PCDHA12: variants seen among roughly 807,000 people sequenced by gnomAD.
The protein encoded by PCDHA12 is protocadherin alpha 12.
A neutral mutation model predicts 60.0 loss-of-function variants in PCDHA12; 44 were observed. The ratio of observed to expected loss-of-function variants is 0.73; its 90% CI spans 0.58 to 0.94. The LOEUF is 0.94. Among genes scored for constraint, PCDHA12 ranks in the 40% least tolerant of loss-of-function variants. The pLI, the probability that PCDHA12 is intolerant of heterozygous loss-of-function variation, is 0.00. For missense variants in PCDHA12, 1,276 were observed against 1,239.7 expected (o/e 1.03, Z -0.44); for synonymous variants, 569 against 553.0 (o/e 1.03, Z -0.40).
At position 140,969,430 on chromosome 5, in the gene PCDHA12, A is replaced by T. The variant is rs1554231789; in HGVS notation, c.2368-9519A>T. 4 of 1,554,706 alleles carry T rather than the reference A, an allele frequency of 2.6e-6. No homozygotes were observed. The Admixed American group carries it at 7.8e-5, about 30-fold the overall frequency. ...CTTTATTGAGTCATTAACAGTGACA[A>T]GAGTTATCTGGTAAACTGAGTATAT... On this transcript the variant is annotated intron_variant, in intron 1 of 3. Transcript: ENST00000398631.
chr5:140,905,750 C>T (rs1349523564), intron 1 of PCDHA12, among the ~76,000 whole-genome samples: 1 of 152,102 alleles, frequency 6.6e-6, no homozygotes, highest in Non-Finnish European at 1.5e-5. Flanking sequence ...GATCTTTCAC[C>T]TCCTTGGTTA....
intron 3 of PCDHA12, among the ~76,000 whole-genome samples, chr5:141,007,506 T>A (rs1370245633): frequency 6.6e-6 from 1 of 151,948 alleles, no homozygotes; most frequent in Non-Finnish European, 1.5e-5. Flanking sequence ...AGGCAGAGAC[T>A]GCAGTGAGCT....
intron 1 of PCDHA12, among the ~76,000 whole-genome samples, chr5:140,937,563 G>T (rs986469529): frequency 2.0e-5 from 3 of 151,960 alleles, no homozygotes; most frequent in African/African-American, 7.3e-5. Flanking sequence ...GTTGCAGTGA[G>T]CTGGGATCGC....
At position 140,990,592 on chromosome 5, in the gene PCDHA12, C is replaced by T. The variant is rs150978794; in HGVS notation, c.2515+8029C>T. On this transcript the variant is annotated intron_variant, in intron 3 of 3. Coordinates refer to ENST00000398631, the MANE Select transcript of PCDHA12 (RefSeq NM_018903.4). ...GTTCGATCTCTTTTCCTATAATCAC[C>T]TGGAGTCAGATGAATACCGTAAAGG... 2.7e-3 allele frequency among the ~76,000 whole-genome samples: 412 copies of T among 152,286 alleles called. 2 individuals are homozygous for T. Among genetic ancestry groups the T allele is most frequent in the African/African-American group, 9.5e-3 (395 of 41,556 alleles).
chr5:140,890,096 C>T (rs967857035), intron 1 of PCDHA12, among the ~76,000 whole-genome samples: 1 of 152,124 alleles, frequency 6.6e-6, no homozygotes, highest in Non-Finnish European at 1.5e-5. Flanking sequence ...AAATTTATTC[C>T]CAACTCTGGA....
chr5:140,941,191 T>TTTC (rs1487503403), intron 1 of PCDHA12, among the ~76,000 whole-genome samples: 199 of 93,252 alleles, frequency 2.1e-3, no homozygotes, highest in Middle Eastern at 0.015. Flanking sequence ...GCTTCTTTTT[T>TTTC]TTTCTTTCTT....
At chr5:140,973,062 G>GTC (rs1554234872) in intron 1 of PCDHA12, among the ~76,000 whole-genome samples, 1 of 152,138 alleles carries the variant, frequency 6.6e-6, no homozygotes, top group African/African-American at 2.4e-5. Context: ...GTCCAACAGT[G>GTC]TCTCAGTGGG....
intron 3 of PCDHA12, among the ~76,000 whole-genome samples, chr5:141,003,222 G>A (rs1221950770): frequency 2.6e-5 from 4 of 152,224 alleles, no homozygotes; most frequent in Non-Finnish European, 4.4e-5. Flanking sequence ...CATGAAAGAG[G>A]AAAGCTGGAA....
intron 1 of PCDHA12, among the ~76,000 whole-genome samples, chr5:140,963,173 G>C (rs2095742129): frequency 6.6e-6 from 1 of 151,942 alleles, no homozygotes; most frequent in Non-Finnish European, 1.5e-5. Flanking sequence ...CCATCTTACA[G>C]ATATGCTGTA....
chr5:140,992,017 C>CTGTGTG (rs10602499), intron 3 of PCDHA12, among the ~76,000 whole-genome samples: 2,290 of 145,594 alleles, frequency 0.016, 56 homozygotes, highest in African/African-American at 0.05. Flanking sequence ...AGAGGTGGCT[C>CTGTGTG]TGTGTGTGTG....
At chr5:140,976,597 G>A (rs1477005420) in intron 1 of PCDHA12, among the ~76,000 whole-genome samples, 1 of 152,062 alleles carries the variant, frequency 6.6e-6, no homozygotes, top group South Asian at 2.1e-4. Flanking sequence ...TTTGTGTTAA[G>A]GGGACCTAAA....
At chr5:140,975,491 C>T (rs2153807371) in intron 1 of PCDHA12, among the ~76,000 whole-genome samples, 1 of 152,274 alleles carries the variant, frequency 6.6e-6, no homozygotes, top group Middle Eastern at 3.4e-3. Flanking sequence ...TATCAATGTT[C>T]ATAAAATAGC....
chr5:140,884,497 C>T, intron 1 of PCDHA12: 1 of 1,614,042 alleles, frequency 6.2e-7, no homozygotes, highest in Non-Finnish European at 8.5e-7. Flanking sequence ...TGTGCTCCAG[C>T]GCGGCAGGGA....
intron 1 of PCDHA12, among the ~76,000 whole-genome samples, chr5:140,941,906 GC>G: frequency 6.6e-6 from 1 of 152,248 alleles, no homozygotes; most frequent in South Asian, 2.1e-4. Context: ...ACATTGAAAT[GC>G]TTTTATGTAT....
chr5:140,924,715 C>A (rs1258622619), intron 1 of PCDHA12, among the ~76,000 whole-genome samples: 3 of 151,692 alleles, frequency 2.0e-5, no homozygotes, highest in Non-Finnish European at 4.4e-5. Flanking sequence ...TGCAACATGG[C>A]GAAACCTCAC....
At chr5:140,988,092 C>T (rs1266366711) in intron 3 of PCDHA12, among the ~76,000 whole-genome samples, 6 of 152,174 alleles carry the variant, frequency 3.9e-5, no homozygotes, top group East Asian at 1.9e-4. Flanking sequence ...AGTGCAGCCT[C>T]GGGCCTTGTT....
At chr5:140,878,897 A>G (rs1366976155) in intron 1 of PCDHA12, among the ~76,000 whole-genome samples, 1 of 152,232 alleles carries the variant, frequency 6.6e-6, no homozygotes, top group Non-Finnish European at 1.5e-5. Context: ...GACTACAGGC[A>G]GGCTCCACCA....
Position 141,010,120 on chromosome 5 carries a change from C to T in PCDHA12, c.*183C>T, listed in dbSNP as rs1554262685. 6.2e-7 allele frequency: 1 copy of T among 1,607,404 alleles called. No homozygotes were observed. Among genetic ancestry groups the T allele is most frequent in the Admixed American group, 1.7e-5 (1 of 58,482 alleles). ...AACAGGTTTTGTCGTAAAAGCTTTACTAAGTCTGGTGTTAACTCTTTCTCT... is the reference window on the plus strand; with the variant it reads ...AACAGGTTTTGTCGTAAAAGCTTTATTAAGTCTGGTGTTAACTCTTTCTCT... On this transcript the variant is annotated 3_prime_UTR_variant, in exon 4 of 4. Coordinates refer to ENST00000398631, the MANE Select transcript of PCDHA12 (RefSeq NM_018903.4).
chr5:140,906,456 G>T (rs527287837), intron 1 of PCDHA12, among the ~76,000 whole-genome samples: 1 of 152,278 alleles, frequency 6.6e-6, no homozygotes, highest in African/African-American at 2.4e-5. Context: ...ATAAAATGAA[G>T]ATATTTTCTT....
Sources: allele counts gnomAD v4.1 joint callset (sites outside exome capture counted in the v4.1 genomes callset), GRCh38; gene constraint gnomAD v4.1.1; transcripts MANE v1.5; gene names NCBI Gene and HGNC (gene_info 2026-07-23, HGNC 2026-07-21).